WNT3A: variants seen among roughly 807,000 people sequenced by gnomAD.
WNT3A encodes protein Wnt-3a.
Under a neutral mutation model 37.0 loss-of-function variants are expected in WNT3A, and 17 were observed. That is an observed-to-expected ratio of 0.46 (90% confidence interval 0.31 to 0.69). The LOEUF (loss-of-function observed/expected upper bound fraction) is 0.69, where lower values mean the gene tolerates loss of function less well. Among genes scored for constraint, WNT3A ranks in the 30% least tolerant of loss-of-function variants. WNT3A has a pLI of 0.05. For synonymous variants in WNT3A, 187 were observed against 211.0 expected, an observed-to-expected ratio of 0.89 and a Z score of 0.99; for missense variants, 411 against 510.2, an observed-to-expected ratio of 0.81 and a Z score of 1.87.
intron 2 of WNT3A, among the ~76,000 whole-genome samples, chr1:228,029,380 C>A: frequency 6.6e-6 from 1 of 152,194 alleles, no homozygotes; most frequent in East Asian, 1.9e-4. Flanking sequence ...CCCAGGGTGG[C>A]TCAGCACAGT....
Position 228,059,143 on chromosome 1 carries a change from AC to A in WNT3A, c.739del (p.Arg247GlyfsTer121). 1 of 1,613,630 alleles carries A rather than the reference AC, an allele frequency of 6.2e-7. No individual in the cohort carries two copies. The highest frequency in any genetic ancestry group is 8.5e-7 in the Non-Finnish European group (1 of 1,179,984). ...DSASEMVVEK[H>X]RESRGWVETL... ...GCCTCGGAGATGGTGGTGGAGAAGC[AC>A]CGGGAGTCCCGCGGCTGGGTGGAGA... On this transcript the variant is annotated frameshift_variant, in exon 4 of 4. Transcript: ENST00000284523. LOFTEE classifies it high-confidence loss of function.
At chr1:228,040,658 C>T (rs140246938) in intron 2 of WNT3A, among the ~76,000 whole-genome samples, 154 of 152,008 alleles carry the variant, frequency 1.0e-3, no homozygotes, top group African/African-American at 3.4e-3. Flanking sequence ...CCGAGATGGG[C>T]GGATCACGAG....
chr1:228,050,996 G>A lies in WNT3A; in HGVS notation c.579+75G>A. The A allele has an allele frequency of 6.9e-7, 1 of 1,446,252 alleles. No individual in the cohort carries two copies. Among genetic ancestry groups the A allele is most frequent in the Non-Finnish European group, 9.1e-7 (1 of 1,101,420 alleles). The allele number at this position is 1,446,252 out of a possible 1,614,324, so 89.6% of individuals were successfully genotyped here. On this transcript the variant is annotated intron_variant, in intron 3 of 3. Coordinates refer to ENST00000284523, the MANE Select transcript of WNT3A (RefSeq NM_033131.4). The surrounding 1 kb of genome is among the most constrained non-coding windows in gnomAD (Gnocchi z 5.0). ...AGGGTGTGTGCCCTGGTTCCTTGGG[G>A]CATATGGCCCGGTGAGGCAGGATGG...
intron 2 of WNT3A, among the ~76,000 whole-genome samples, chr1:228,029,347 G>A (rs1483530062): frequency 3.9e-5 from 6 of 152,196 alleles, no homozygotes; most frequent in South Asian, 2.1e-4. Flanking sequence ...CATGTAGGGC[G>A]GAATGTGCAT....
In WNT3A at chr1:228,038,559, C is replaced by A. The variant is rs1571806280; in HGVS notation, c.314-12097C>A. Among the ~76,000 whole-genome samples, 1 of 152,144 alleles carries A rather than the reference C, an allele frequency of 6.6e-6. No individual in the cohort carries two copies. The highest frequency in any genetic ancestry group is 2.1e-4 in the South Asian group (1 of 4,828). Reference sequence around the variant, plus strand: ...GTGGTCCTAGCTGGGATCCAAGGCACCCCCCTCACTCAGCCAGCCCCTTCC... The same window carrying A: ...GTGGTCCTAGCTGGGATCCAAGGCAACCCCCTCACTCAGCCAGCCCCTTCC... On this transcript the variant is annotated intron_variant, in intron 2 of 3. Transcript: ENST00000284523. This position sits in a 1 kb window ranked among gnomAD's most constrained non-coding sequence, Gnocchi z 5.7.
intron 3 of WNT3A, among the ~76,000 whole-genome samples, chr1:228,054,627 C>CAAAAA (rs61497242): frequency 8.5e-5 from 5 of 58,502 alleles, no homozygotes; most frequent in African/African-American, 3.2e-4. Flanking sequence ...GACTCTGTCT[C>CAAAAA]AAAAAAAAAA....
At chr1:228,024,321 A>G (rs140277936) in intron 2 of WNT3A, among the ~76,000 whole-genome samples, 1 of 152,286 alleles carries the variant, frequency 6.6e-6, no homozygotes, top group African/African-American at 2.4e-5. Flanking sequence ...CCTCACTGAT[A>G]CACTGTTTTC....
chr1:228,013,392 C>G (rs536298161), intron 1 of WNT3A, among the ~76,000 whole-genome samples: 3 of 152,334 alleles, frequency 2.0e-5, no homozygotes, highest in African/African-American at 7.2e-5. Flanking sequence ...GGAGGTGTCT[C>G]TCACGTTGCT....
intron 1 of WNT3A, among the ~76,000 whole-genome samples, chr1:228,021,600 T>C (rs1275558230): frequency 1.3e-5 from 2 of 152,182 alleles, no homozygotes; most frequent in Non-Finnish European, 2.9e-5. Flanking sequence ...GATGCTTGGG[T>C]GGCGTCCAAG....
intron 2 of WNT3A, among the ~76,000 whole-genome samples, chr1:228,045,165 C>T (rs1011582872): frequency 1.3e-5 from 2 of 152,206 alleles, no homozygotes; most frequent in Admixed American, 1.3e-4. Flanking sequence ...GATCTCGAGG[C>T]CCTTGTTATG....
chr1:228,050,980 G>C lies in WNT3A; in HGVS notation c.579+59G>C. ...AAGGAGCCTCCTCAGCAGGGTGTGT[G>C]CCCTGGTTCCTTGGGGCATATGGCC... is the stretch of plus-strand genomic sequence containing the variant. On this transcript the variant is annotated intron_variant, in intron 3 of 3. Transcript: ENST00000284523. The surrounding 1 kb of genome is among the most constrained non-coding windows in gnomAD (Gnocchi z 5.0). The C allele has an allele frequency of 6.8e-7, 1 of 1,470,142 alleles. No individual in the cohort carries two copies. Among genetic ancestry groups the C allele is most frequent in the Non-Finnish European group, 9.0e-7 (1 of 1,115,194 alleles). The allele number at this position is 1,470,142 out of a possible 1,614,324, so 91.1% of individuals were successfully genotyped here. A position where few individuals can be genotyped will look rare whatever the true frequency, so the allele number is the denominator to read the frequency against.
Position 228,007,069 on chromosome 1 carries a change from C to G in WNT3A, c.-60C>G, listed in dbSNP as rs1315983610. 4.0e-5 allele frequency: 54 copies of G among 1,364,170 alleles called. No individual in the cohort carries two copies. The highest frequency in any genetic ancestry group is 5.3e-5 in the Non-Finnish European group (54 of 1,027,660). The allele number at this position is 1,364,170 out of a possible 1,614,324, so 84.5% of individuals were successfully genotyped here. On this transcript the variant is annotated 5_prime_UTR_variant, in exon 1 of 4. Coordinates refer to ENST00000284523, the MANE Select transcript of WNT3A (RefSeq NM_033131.4). The surrounding 1 kb of genome is among the most constrained non-coding windows in gnomAD (Gnocchi z 6.0). The stretch of plus-strand genomic sequence containing the variant: ...CCGCGCCAGCTCCCAGGGCCCGGCC[C>G]CCCCCGGCGCTCACGCTCTCGGGGC...
At chr1:228,051,137 G>C (rs2031545522) in intron 3 of WNT3A, among the ~76,000 whole-genome samples, 1 of 152,172 alleles carries the variant, frequency 6.6e-6, no homozygotes, top group Non-Finnish European at 1.5e-5. Flanking sequence ...CTGTGGACTG[G>C]GGTAGCCAAG....
Position 228,022,924 on chromosome 1 carries a change from G to A in WNT3A, c.313+16G>A. On this transcript the variant is annotated intron_variant, in intron 2 of 3. Transcript: ENST00000284523. ...CTGGACAAAGGTATGGGGGTGGTCT[G>A]GGGGAGGGCAGATGAGTCTGGAGTG... 2 of 1,590,018 alleles carry A rather than the reference G, an allele frequency of 1.3e-6. No individual in the cohort carries two copies. The highest frequency in any genetic ancestry group is 8.6e-7 in the Non-Finnish European group (1 of 1,164,408).
intron 3 of WNT3A, among the ~76,000 whole-genome samples, chr1:228,055,262 C>T (rs1373202533): frequency 8.0e-6 from 1 of 125,536 alleles, no homozygotes; most frequent in East Asian, 2.3e-4. Context: ...ACAGAAATTG[C>T]AGAACTGAAG....
Position 228,059,165 on chromosome 1 carries a change from G to A in WNT3A, c.759G>A (p.Val253=). 6.2e-7 allele frequency: 1 copy of A among 1,613,392 alleles called. No homozygotes were observed. Among genetic ancestry groups the A allele is most frequent in the Non-Finnish European group, 8.5e-7 (1 of 1,179,966 alleles). Residue 253 remains valine, a synonymous_variant, in exon 4 of 4, where the codon GTG becomes GTA. Transcript: ENST00000284523. ...VEKHRESRGW[V]ETLRPRYTYF... ...AGCACCGGGAGTCCCGCGGCTGGGT[G>A]GAGACCCTGCGGCCGCGCTACACCT...
chr1:228,055,180 ATATATATATATATATATATATATAT>A (rs1489263406), intron 3 of WNT3A, among the ~76,000 whole-genome samples: 7 of 14,788 alleles, frequency 4.7e-4, no homozygotes, highest in East Asian at 3.3e-3. Flanking sequence ...AAAAAAAAAA[ATATATATATATATATATATATATAT>A]ATATATATAT....
intron 2 of WNT3A, among the ~76,000 whole-genome samples, chr1:228,026,375 C>T (rs957089292): frequency 1.5e-4 from 23 of 152,130 alleles, no homozygotes; most frequent in African/African-American, 5.3e-4. Flanking sequence ...ATCCTTCCCT[C>T]GCTCCTGATC....
chr1:228,060,127 T>C lies in WNT3A; in HGVS notation c.*662T>C, dbSNP rs1373020069. On this transcript the variant is annotated 3_prime_UTR_variant, in exon 4 of 4. Transcript: ENST00000284523. ...GGGCTTCTCTGGGACCAGGCTCCAA[T>C]GGGGCGGGGCTTCTCTCCGCGGGTG... 4 of 1,329,750 alleles carry C rather than the reference T, an allele frequency of 3.0e-6. No individual in the cohort carries two copies. Among genetic ancestry groups the C allele is most frequent in the Non-Finnish European group, 4.0e-6 (4 of 1,009,494 alleles). The allele number at this position is 1,329,750 out of a possible 1,614,324, so 82.4% of individuals were successfully genotyped here.
Sources: gnomAD v4.1 joint callset for allele counts (sites outside exome capture counted in the v4.1 genomes callset) on GRCh38, gnomAD v4.1.1 for gene constraint, Gnocchi (gnomAD v3.1) non-coding constraint, MANE v1.5 for transcripts, NCBI Gene and HGNC (gene_info 2026-07-23, HGNC 2026-07-21) for gene names.